The following TTF1 variants were observed in gnomAD, a reference collection of about 807,000 sequenced individuals.
TTF1 encodes transcription termination factor, RNA polymerase I.
In TTF1, 64 loss-of-function variants were observed where a neutral mutation model predicts 80.2. The observed-to-expected ratio is 0.80, with a 90% CI of 0.65 to 0.98. The LOEUF (loss-of-function observed/expected upper bound fraction) is 0.98. TTF1 is among the 50% of genes least tolerant of loss of function. The probability of loss-of-function intolerance (pLI) is 0.00; values close to 1 mark genes in which losing one functional copy is unlikely to be tolerated. For synonymous variants in TTF1, 372 were observed against 382.7 expected (o/e 0.97, Z 0.33); for missense variants, 1,023 against 1,086.2 (o/e 0.94, Z 0.82).
At chr9:132,383,053 G>GA (rs1849397613) in intron 9 of TTF1, among the ~76,000 whole-genome samples, 2 of 78,016 alleles carry the variant, frequency 2.6e-5, no homozygotes, top group South Asian at 5.9e-4. Context: ...CAACAAGAGT[G>GA]AAAATCCGTC....
At chr9:132,383,627 T>G (rs938283054) in intron 9 of TTF1, among the ~76,000 whole-genome samples, 1 of 152,208 alleles carries the variant, frequency 6.6e-6, no homozygotes, top group East Asian at 1.9e-4. Context: ...TTTAAGAGAC[T>G]TTGCATACAT....
At chr9:132,392,374 C>G (rs1463320328) in intron 5 of TTF1, among the ~76,000 whole-genome samples, 168 bp from the exon 6 acceptor site, 1 of 152,160 alleles carries the variant, frequency 6.6e-6, no homozygotes, top group Non-Finnish European at 1.5e-5. Flanking sequence ...GGTGGTCATC[C>G]TATCAATCAA....
In TTF1 at chr9:132,386,574, T is replaced by A. The variant is rs1371874634; in HGVS notation, c.2360A>T (p.Asp787Val). 1 of 1,612,298 alleles carries A rather than the reference T, an allele frequency of 6.2e-7. No individual in the cohort carries two copies. The highest frequency in any genetic ancestry group is 8.5e-7 in the Non-Finnish European group (1 of 1,178,536). ...VEDTNEIDWE[D>V]LASAIGDVPP... Reference sequence around the variant, plus strand: ...GTCTTACCCTATGGCACTAGCAAGATCTTCCCAGTCTATTTCATTAGTATC... The same window carrying A: ...GTCTTACCCTATGGCACTAGCAAGAACTTCCCAGTCTATTTCATTAGTATC... The change falls in exon 9 of 11, where the codon GAT (aspartate) becomes GTT (valine). Residue 787 changes from aspartate to valine, a missense_variant. By Grantham distance (152) the Asp-to-Val change is radical. Coordinates refer to ENST00000334270, the MANE Select transcript of TTF1 (RefSeq NM_007344.4).
At chr9:132,395,029 G>A (rs558788777) in intron 5 of TTF1, among the ~76,000 whole-genome samples, 4 of 151,534 alleles carry the variant, frequency 2.6e-5, no homozygotes, top group South Asian at 2.1e-4. Flanking sequence ...CCGTCTCTAC[G>A]AAAAATACAA....
Position 132,388,191 on chromosome 9 carries a change from G to T in TTF1, c.2260C>A (p.Arg754Ser), listed in dbSNP as rs770958769. 50 of 1,611,270 alleles carry T rather than the reference G, an allele frequency of 3.1e-5. No individual in the cohort carries two copies. In the South Asian group the frequency reaches 4.5e-4, roughly 15 times the overall value. ...AGGGCATTCATGCCATAGTAGATAC[G>T]CCGACCATTAGTCATCCTCTTGGTT... ...ILTKRMTNGR[R>S]IYYGMNALRA... The change falls in exon 8 of 11, where the codon CGT becomes AGT. Residue 754 changes from arginine to serine, a missense_variant. Transcript: ENST00000334270.
intron 1 of TTF1, among the ~76,000 whole-genome samples, chr9:132,404,429 G>A (rs1849825135): frequency 6.6e-6 from 1 of 152,038 alleles, no homozygotes; most frequent in Non-Finnish European, 1.5e-5. Flanking sequence ...TGTCCCTTCT[G>A]TCAAAGGCTA....
intron 9 of TTF1, among the ~76,000 whole-genome samples, chr9:132,383,108 C>T (rs1427071675): frequency 2.0e-5 from 3 of 151,232 alleles, no homozygotes; most frequent in Non-Finnish European, 4.4e-5. Flanking sequence ...ACTAGCCAGG[C>T]AGGGTGGTGC....
At chr9:132,391,422 C>T (rs1849555794) in intron 6 of TTF1, among the ~76,000 whole-genome samples, 1 of 151,842 alleles carries the variant, frequency 6.6e-6, no homozygotes, top group African/African-American at 2.4e-5. Flanking sequence ...CAGAATGTTA[C>T]ATTTTCCCCT....
At chr9:132,390,859 G>C (rs1415593142) in intron 6 of TTF1, 28 bp from the exon 7 acceptor site, 1 of 1,588,338 alleles carries the variant, frequency 6.3e-7, no homozygotes, top group Admixed American at 1.8e-5. Context: ...TGGTCTTATA[G>C]TAGCTAGTCT....
rs73550556 is a variant in TTF1 at position 132,375,628 on chromosome 9, T to C, written c.*287A>G. ...GGAAAGAGTAGAACTCTGGCCATTG[T>C]ACATTCTTTATTAAACATCAATACT... is the stretch of plus-strand genomic sequence containing the variant. On this transcript the variant is annotated 3_prime_UTR_variant, in exon 11 of 11. Coordinates refer to ENST00000334270, the MANE Select transcript of TTF1 (RefSeq NM_007344.4). The C allele has an allele frequency of 3.0e-3, 784 of 261,600 alleles. 7 individuals carry two copies. The highest frequency in any genetic ancestry group is 0.016 in the African/African-American group (757 of 45,986). The allele number at this position is 261,600 out of a possible 1,614,324, so 16.2% of individuals were successfully genotyped here. A position where few individuals can be genotyped will look rare whatever the true frequency, so the allele number is the denominator to read the frequency against.
chr9:132,392,046 G>T lies in TTF1; in HGVS notation c.1987+30C>A, dbSNP rs139874955. ...AGGCCTGTCAGGGCTTATTTCTTCA[G>T]CGAGGTGGGCACTGGGGGCTGCCAC... On this transcript the variant is annotated intron_variant, in intron 6 of 10. Transcript: ENST00000334270. The T allele has an allele frequency of 7.9e-5, 128 of 1,613,066 alleles. No homozygotes were observed. The African/African-American group carries it at 1.6e-3, about 20-fold the overall frequency.
In TTF1 at chr9:132,400,140, T is replaced by TCA. The variant is rs749815969; in HGVS notation, c.1484_1485dup (p.Lys496Ter). The stretch of plus-strand genomic sequence containing the variant: ...TTAGGAATGAACTCCTGAAGCTGTT[T>TCA]CACGGCAGAACCCAAATCCGCATCT... On this transcript the variant is annotated frameshift_variant, in exon 3 of 11. Transcript: ENST00000334270. LOFTEE classifies it high-confidence loss of function. 1 of 1,614,184 alleles carries TCA rather than the reference T, an allele frequency of 6.2e-7. No homozygotes were observed. Among genetic ancestry groups the TCA allele is most frequent in the Non-Finnish European group, 8.5e-7 (1 of 1,180,028 alleles).
At chr9:132,378,532 T>TGGTG (rs1404532297) in intron 10 of TTF1, among the ~76,000 whole-genome samples, 2 of 104,390 alleles carry the variant, frequency 1.9e-5, no homozygotes, top group African/African-American at 7.6e-5. Flanking sequence ...TGAGTGCATG[T>TGGTG]GGTGTGAGTG....
intron 1 of TTF1, among the ~76,000 whole-genome samples, chr9:132,403,939 G>A (rs1188241991): frequency 1.3e-5 from 2 of 152,202 alleles, no homozygotes; most frequent in Non-Finnish European, 2.9e-5. Flanking sequence ...AGCCACTAAC[G>A]TTAATACTCA....
chr9:132,406,753 T>C (rs1589830767), intron 1 of TTF1, 37 bp downstream of exon 1: 1 of 152,038 alleles, frequency 6.6e-6, no homozygotes, highest in Non-Finnish European at 1.5e-5. Context: ...CGCGCGCATT[T>C]TGAAAAACAG....
At chr9:132,399,122 C>G (rs1235920161) in intron 3 of TTF1, among the ~76,000 whole-genome samples, 2 of 150,872 alleles carry the variant, frequency 1.3e-5, no homozygotes, top group Admixed American at 1.3e-4. Context: ...CCACTTGAAC[C>G]CAGGAGGCGT....
intron 5 of TTF1, among the ~76,000 whole-genome samples, chr9:132,395,487 C>T (rs191255612): frequency 3.9e-5 from 6 of 152,204 alleles, no homozygotes; most frequent in Non-Finnish European, 7.4e-5. Flanking sequence ...CTTGTAAGTC[C>T]CATTTAAAAT....
rs150531446 is a variant in TTF1, at chr9:132,404,892, T to A, written c.-8+1898A>T. On this transcript the variant is annotated intron_variant, in intron 1 of 10. Transcript: ENST00000334270. ...AGCAAAGCCGATTATTTCTTTTTTT[T>A]CTTTTTTTTTTGAGACGGAGTCTTG... is the stretch of plus-strand genomic sequence containing the variant. 8.0e-3 allele frequency among the ~76,000 whole-genome samples: 1,223 copies of A among 152,160 alleles called. 14 individuals carry two copies. Among genetic ancestry groups the A allele is most frequent in the African/African-American group, 0.028 (1,148 of 41,482 alleles).
chr9:132,388,128 A>C lies in TTF1; in HGVS notation c.2312+11T>G. The C allele has an allele frequency of 1.2e-6, 2 of 1,605,030 alleles. No homozygotes were observed. Among genetic ancestry groups the C allele is most frequent in the South Asian group, 2.2e-5 (2 of 90,410 alleles). On this transcript the variant is annotated intron_variant, in intron 8 of 10. Transcript: ENST00000334270. Reference sequence around the variant, plus strand: ...AAACAGTTAAGAGGCATCCGTTTCTATTTTTCATACCTTTCAATAAGGCTG... The same window carrying C: ...AAACAGTTAAGAGGCATCCGTTTCTCTTTTTCATACCTTTCAATAAGGCTG...
Sources: gnomAD v4.1 joint callset for allele counts (sites outside exome capture counted in the v4.1 genomes callset) on GRCh38, gnomAD v4.1.1 for gene constraint, MANE v1.5 for transcripts, NCBI Gene and HGNC (gene_info 2026-07-23, HGNC 2026-07-21) for gene names.